The following MYO10 variants were observed in gnomAD, a reference collection of about 807,000 sequenced individuals.
The protein encoded by MYO10 is unconventional myosin-X.
Under a neutral mutation model 257.3 loss-of-function variants are expected in MYO10, and 133 were observed. That is an observed-to-expected ratio of 0.52 (90% CI 0.45 to 0.60). MYO10 has a LOEUF of 0.60. Ranked by LOEUF, MYO10 falls within the 20% of genes least tolerant of loss-of-function variation. The pLI, the probability that MYO10 is intolerant of heterozygous loss-of-function variation, is 0.00. For missense variants in MYO10, 2,399 were observed against 2,635.7 expected, an observed-to-expected ratio of 0.91 and a Z score of 1.97; for synonymous variants, 1,104 against 1,028.6, an observed-to-expected ratio of 1.07 and a Z score of -1.40.
Position 16,742,476 on chromosome 5 carries a change from T to C in MYO10, c.1929+12352A>G, listed in dbSNP as rs141409346. On this transcript the variant is annotated intron_variant, in intron 19 of 40. Transcript: ENST00000513610. ...AAAAGTCAAAGATGCTGGCAATGGGTGCTCCAGGTGCAGGAGACAGTCAAA... is the reference window on the plus strand; with the variant it reads ...AAAAGTCAAAGATGCTGGCAATGGGCGCTCCAGGTGCAGGAGACAGTCAAA... Among the ~76,000 whole-genome samples the C allele has an allele frequency of 1.6e-4, 24 of 152,242 alleles. No homozygotes were observed. In the East Asian group the frequency reaches 2.1e-3, roughly 13 times the overall value.
At chr5:16,904,402 C>CTGAT (rs1745464879) in intron 1 of MYO10, among the ~76,000 whole-genome samples, 1 of 152,170 alleles carries the variant, frequency 6.6e-6, no homozygotes, top group Non-Finnish European at 1.5e-5. Flanking sequence ...CAAGGGAACC[C>CTGAT]TGATGTACAG....
In MYO10 at chr5:16,672,002, G is replaced by A. The variant is rs183491575; in HGVS notation, c.5310-460C>T. On this transcript the variant is annotated intron_variant, in intron 37 of 40. Transcript: ENST00000513610. ...GATATGAAGTCACAGATCAAATAGC[G>A]TAGGTCTACAGGCCAGGTGCAGTGG... Among the ~76,000 whole-genome samples the A allele has an allele frequency of 2.5e-3, 381 of 152,222 alleles. 3 individuals are homozygous for A. The highest frequency in any genetic ancestry group is 0.012 in the South Asian group (57 of 4,822).
intron 38 of MYO10, 35 bp from the exon 39 acceptor site, chr5:16,671,013 G>A (rs771738511): frequency 1.1e-5 from 17 of 1,547,114 alleles, no homozygotes; most frequent in Admixed American, 9.1e-5. Context: ...TCCGGTCAAC[G>A]CACTGCCATG....
At chr5:16,713,017 G>A (rs904036365) in intron 19 of MYO10, among the ~76,000 whole-genome samples, 1 of 152,136 alleles carries the variant, frequency 6.6e-6, no homozygotes, top group Middle Eastern at 3.4e-3. Context: ...ATTTATTTGG[G>A]AATATAATCT....
intron 19 of MYO10, among the ~76,000 whole-genome samples, chr5:16,745,269 G>A (rs1174275805): frequency 6.6e-6 from 1 of 152,204 alleles, no homozygotes; most frequent in Non-Finnish European, 1.5e-5. Flanking sequence ...GAACCCGGGG[G>A]AGGTGGAGGT....
chr5:16,776,891 TA>T (rs1438507509), intron 9 of MYO10, among the ~76,000 whole-genome samples: 10 of 152,184 alleles, frequency 6.6e-5, no homozygotes, highest in Non-Finnish European at 1.2e-4. Flanking sequence ...GCCATGTGGA[TA>T]ATCAGGTGTC....
chr5:16,724,613 G>A (rs950256341), intron 19 of MYO10, among the ~76,000 whole-genome samples: 1 of 151,974 alleles, frequency 6.6e-6, no homozygotes, highest in Non-Finnish European at 1.5e-5. Flanking sequence ...GTGTTTCTAT[G>A]GGGGTTCCAC....
intron 2 of MYO10, among the ~76,000 whole-genome samples, chr5:16,858,879 A>C (rs767594327): frequency 6.6e-6 from 1 of 152,054 alleles, no homozygotes; most frequent in Non-Finnish European, 1.5e-5. Flanking sequence ...AATCACTTGA[A>C]CCCGGGAGGT....
rs754985268 is a variant in MYO10, at chr5:16,694,610, G to A, written c.3561C>T (p.Gly1187=). ...YFHSFLYMKG[G]LMNSWKRRWC... ...AGCGGCGTTTCCAAGAGTTCATCAG[G>A]CCACCTGTTCCCCGTGAGATTGGGT... The change falls in exon 27 of 41, where the codon GGC becomes GGT. Residue 1187 remains glycine (G), a synonymous_variant. Transcript: ENST00000513610. 1 of 1,613,636 alleles carries A rather than the reference G, an allele frequency of 6.2e-7. No individual in the cohort carries two copies. The highest frequency in any genetic ancestry group is 1.7e-5 in the Admixed American group (1 of 60,020).
intron 2 of MYO10, among the ~76,000 whole-genome samples, chr5:16,820,346 C>T (rs1742760933): frequency 6.6e-6 from 1 of 152,166 alleles, no homozygotes; most frequent in Non-Finnish European, 1.5e-5. Context: ...TACAACCAGA[C>T]AGGTACTTGC....
intron 1 of MYO10, among the ~76,000 whole-genome samples, chr5:16,879,282 T>G (rs1228319163): frequency 7.9e-5 from 12 of 152,224 alleles, no homozygotes; most frequent in Admixed American, 7.9e-4. Flanking sequence ...ATTTCTGTTT[T>G]GTTAAATATT....
intron 1 of MYO10, among the ~76,000 whole-genome samples, chr5:16,891,385 A>AG (rs1745055069): frequency 2.1e-5 from 3 of 141,222 alleles, no homozygotes; most frequent in African/African-American, 7.8e-5. Context: ...GGAAGGAGAG[A>AG]GAGAGGAAGG....
At chr5:16,711,989 C>T (rs1213435042) in intron 19 of MYO10, among the ~76,000 whole-genome samples, 1 of 151,804 alleles carries the variant, frequency 6.6e-6, no homozygotes, top group Non-Finnish European at 1.5e-5. Context: ...TCTGCAAAGA[C>T]TTTAAAGTGT....
chr5:16,714,031 A>G (rs1738741795), intron 19 of MYO10, among the ~76,000 whole-genome samples: 1 of 152,186 alleles, frequency 6.6e-6, no homozygotes, highest in African/African-American at 2.4e-5. Flanking sequence ...AACACCTACT[A>G]TGTGCAAGGT....
chr5:16,741,779 GAAC>G (rs1740026786), intron 19 of MYO10: 1 of 982,970 alleles, frequency 1.0e-6, no homozygotes, highest in Non-Finnish European at 1.2e-6. Context: ...CTTTTAAGCA[GAAC>G]AAGAAAGAGA....
At chr5:16,908,795 C>A (rs1405290542) in intron 1 of MYO10, among the ~76,000 whole-genome samples, 1 of 152,186 alleles carries the variant, frequency 6.6e-6, no homozygotes, top group Admixed American at 6.5e-5. Flanking sequence ...ACTGGAATAT[C>A]GGAATGTACT....
At chr5:16,697,155 G>A (rs1441249005) in intron 26 of MYO10, among the ~76,000 whole-genome samples, 3 of 152,048 alleles carry the variant, frequency 2.0e-5, no homozygotes, top group Non-Finnish European at 2.9e-5. Flanking sequence ...ACCTTCTAGG[G>A]GTTTCATGAG....
chr5:16,823,467 G>GTTTTTTTTTTT lies in MYO10; in HGVS notation c.121-5301_121-5300insAAAAAAAAAAA, dbSNP rs1561003861. On this transcript the variant is annotated intron_variant, in intron 2 of 40. Transcript: ENST00000513610. ...CTTGCGCGGGGGGGGGGGGAGTGGG[G>GTTTTTTTTTTT]ATTTTTTTTTTTTTTTTTTTGTGAG... Among the ~76,000 whole-genome samples the GTTTTTTTTTTT allele has an allele frequency of 5.0e-4, 2 of 3,986 alleles. 1 individual carries two copies. The highest frequency in any genetic ancestry group is 3.6e-3 in the Admixed American group (2 of 560). 2.6% of individuals were successfully genotyped at this position (3,986 alleles called of 152,430 possible). A position where few individuals can be genotyped will look rare whatever the true frequency, so the allele number is the denominator to read the frequency against.
chr5:16,936,099 T>C lies in MYO10; in HGVS notation c.-291A>G. On this transcript the variant is annotated 5_prime_UTR_variant, in exon 1 of 41. Coordinates refer to ENST00000513610, the MANE Select transcript of MYO10 (RefSeq NM_012334.3). ...CGGAGAACAGCTGGTGGCACATTCTTCCCCCAGGCGGGGGAAGGCGGCGGG... is the reference window on the plus strand; with the variant it reads ...CGGAGAACAGCTGGTGGCACATTCTCCCCCCAGGCGGGGGAAGGCGGCGGG... The C allele has an allele frequency of 2.4e-6, 1 of 408,886 alleles. No individual in the cohort carries two copies. Among genetic ancestry groups the C allele is most frequent in the Non-Finnish European group, 4.4e-6 (1 of 227,810 alleles). The allele number at this position is 408,886 out of a possible 1,614,324, so 25.3% of individuals were successfully genotyped here.
Sources: gnomAD v4.1 joint callset for allele counts (sites outside exome capture counted in the v4.1 genomes callset) on GRCh38, gnomAD v4.1.1 for gene constraint, MANE v1.5 for transcripts, NCBI Gene and HGNC (gene_info 2026-07-23, HGNC 2026-07-21) for gene names.